The following AFG2A variants were observed in gnomAD, a reference collection of about 807,000 sequenced individuals.
AFG2A encodes the protein AAA ATPase AFG2A, also known as ATPase family gene 2 protein homolog A.
the AFG2A span, chr4:122,933,408 T>C: frequency 6.3e-7 from 1 of 1,579,474 alleles, no homozygotes; most frequent in African/African-American, 1.4e-5. Context: ...TACCTAATGC[T>C]GATTTCTGTT....
the AFG2A span, among the ~76,000 whole-genome samples, chr4:123,243,991 C>T: frequency 6.6e-6 from 1 of 152,040 alleles, no homozygotes; most frequent in African/African-American, 2.4e-5. Context: ...TACTGCAGTC[C>T]AGCATGGGCA....
At chr4:123,085,908 A>G in the AFG2A span, among the ~76,000 whole-genome samples, 3 of 151,728 alleles carry the variant, frequency 2.0e-5, no homozygotes, top group African/African-American at 7.3e-5. Context: ...GTTTTGCAAT[A>G]TATTTCTACT....
the AFG2A span, among the ~76,000 whole-genome samples, chr4:122,983,137 A>G: frequency 6.6e-6 from 1 of 152,070 alleles, no homozygotes; most frequent in South Asian, 2.1e-4. Flanking sequence ...AAGTGCTAGG[A>G]TTACAGGTGT....
At chr4:123,251,102 A>C in the AFG2A span, among the ~76,000 whole-genome samples, 4 of 152,344 alleles carry the variant, frequency 2.6e-5, no homozygotes, top group African/African-American at 9.6e-5. Context: ...AAAAAAAATA[A>C]ATAAATAAGC....
chr4:122,978,039 C>T, the AFG2A span, among the ~76,000 whole-genome samples: 1 of 151,848 alleles, frequency 6.6e-6, no homozygotes, highest in East Asian at 1.9e-4. Context: ...TTTCTGTAGG[C>T]AGGTTGTCCC....
the AFG2A span, among the ~76,000 whole-genome samples, chr4:122,944,101 ACAATTATGTGT>A: frequency 6.6e-6 from 1 of 152,042 alleles, no homozygotes; most frequent in Non-Finnish European, 1.5e-5. Context: ...GGTGAATCTG[ACAATTATGTGT>A]CTTGGAATTG....
chr4:123,203,801 C>A, the AFG2A span, among the ~76,000 whole-genome samples: 1 of 152,160 alleles, frequency 6.6e-6, no homozygotes, highest in Non-Finnish European at 1.5e-5. Flanking sequence ...TTTCCTGTTG[C>A]TGCTATAACA....
At chr4:123,029,661 A>G in the AFG2A span, among the ~76,000 whole-genome samples, 1 of 152,116 alleles carries the variant, frequency 6.6e-6, no homozygotes, top group African/African-American at 2.4e-5. Context: ...TTTTTGAGAC[A>G]TGGTCTCACT....
At chr4:123,158,030 C>G in the AFG2A span, among the ~76,000 whole-genome samples, 2 of 152,104 alleles carry the variant, frequency 1.3e-5, no homozygotes, top group African/African-American at 4.8e-5. Flanking sequence ...TTCAAATACA[C>G]ACACACACAC....
At chr4:123,298,405 C>T in the AFG2A span, among the ~76,000 whole-genome samples, 150 of 152,296 alleles carry the variant, frequency 9.8e-4, no homozygotes, top group Non-Finnish European at 5.0e-4. Context: ...TCCGCTGAGG[C>T]CCAGCCACAC....
the AFG2A span, chr4:122,936,100 A>C: frequency 1.9e-6 from 3 of 1,600,722 alleles, no homozygotes; most frequent in South Asian, 3.4e-5. Context: ...TTTGTTACAG[A>C]TTCTATGGTG....
chr4:123,006,349 A>G, the AFG2A span, among the ~76,000 whole-genome samples: 1 of 151,810 alleles, frequency 6.6e-6, no homozygotes, highest in African/African-American at 2.4e-5. Flanking sequence ...GTTTTAAGCA[A>G]TTTGGTTATC....
the AFG2A span, among the ~76,000 whole-genome samples, chr4:123,253,472 C>T: frequency 5.5e-3 from 698 of 127,840 alleles, 5 homozygotes; most frequent in Middle Eastern, 0.019. Context: ...GCAACAAGAG[C>T]GAAACTCCAC....
chr4:123,242,783 G>A, the AFG2A span, among the ~76,000 whole-genome samples: 1,772 of 152,090 alleles, frequency 0.012, 46 homozygotes, highest in African/African-American at 0.041. Context: ...TCTGCACAGC[G>A]AAAGAAACTA....
the AFG2A span, among the ~76,000 whole-genome samples, chr4:122,963,585 C>T: frequency 2.6e-5 from 4 of 152,276 alleles, no homozygotes; most frequent in African/African-American, 9.6e-5. Context: ...CAAGATCACA[C>T]AGGTAATAAA....
chr4:123,135,513 T>G, the AFG2A span, among the ~76,000 whole-genome samples: 4 of 152,230 alleles, frequency 2.6e-5, no homozygotes, highest in Admixed American at 6.5e-5. Context: ...GTTACACCTC[T>G]GTATCTGTGG....
the AFG2A span, among the ~76,000 whole-genome samples, chr4:123,208,357 A>G: frequency 6.6e-6 from 1 of 152,206 alleles, no homozygotes; most frequent in African/African-American, 2.4e-5. Context: ...TGGGGTAGGG[A>G]TCTTAAAGAC....
chr4:123,252,162 A>G, the AFG2A span, among the ~76,000 whole-genome samples: 1 of 152,152 alleles, frequency 6.6e-6, no homozygotes, highest in African/African-American at 2.4e-5. Context: ...TTTTGTTTCT[A>G]CACAGTGTTA....
chr4:123,051,509 G>C, the AFG2A span, among the ~76,000 whole-genome samples: 1 of 151,916 alleles, frequency 6.6e-6, no homozygotes, highest in South Asian at 2.1e-4. Context: ...TTTTACTAAA[G>C]ATATAAGTGA....
Sources: allele counts gnomAD v4.1 joint callset (sites outside exome capture counted in the v4.1 genomes callset), GRCh38; gene constraint gnomAD v4.1.1; transcripts MANE v1.5; gene names NCBI Gene and HGNC (gene_info 2026-07-23, HGNC 2026-07-21).